Variants in HECW2 observed in about 807,000 individuals in gnomAD.
The protein encoded by HECW2 is HECT, C2 and WW domain containing E3 ubiquitin protein ligase 2, also known as E3 ubiquitin-protein ligase HECW2.
Under a neutral mutation model 175.2 loss-of-function variants are expected in HECW2, and 61 were observed. The ratio of observed to expected loss-of-function variants is 0.35; its 90% CI spans 0.28 to 0.43. The LOEUF (loss-of-function observed/expected upper bound fraction) is 0.43. Among genes scored for constraint, HECW2 ranks in the 20% least tolerant of loss-of-function variants. The pLI is 1.00. For synonymous variants in HECW2, 671 were observed against 731.0 expected (o/e 0.92, Z 1.32); for missense variants, 1,524 against 2,000.5 (o/e 0.76, Z 4.54).
intron 14 of HECW2, among the ~76,000 whole-genome samples, chr2:196,280,909 T>TA (rs1222604157): frequency 4.6e-5 from 7 of 152,106 alleles, no homozygotes; most frequent in Non-Finnish European, 7.4e-5. Context: ...AAATGGAGAG[T>TA]AACAAGCTTT....
chr2:196,380,919 T>C lies in HECW2; in HGVS notation c.293-37155A>G, dbSNP rs1255303173. ...CATGTACTTGAAAGCTTTTGGCTGA[T>C]TTCCAGAGTTCTAAAAAAGTTGACT... On this transcript the variant is annotated intron_variant, in intron 2 of 28. Coordinates refer to ENST00000644978, the MANE Select transcript of HECW2 (RefSeq NM_001348768.2). 2.0e-5 allele frequency among the ~76,000 whole-genome samples: 3 copies of C among 152,212 alleles called. No homozygotes were observed. In the East Asian group the frequency reaches 5.8e-4, roughly 29 times the overall value.
chr2:196,273,640 C>T (rs74749311), intron 16 of HECW2, among the ~76,000 whole-genome samples: 259 of 152,274 alleles, frequency 1.7e-3, no homozygotes, highest in African/African-American at 6.0e-3. Context: ...GCTACAGATT[C>T]ACACACCATT....
chr2:196,501,835 T>C (rs1687588624), intron 1 of HECW2, among the ~76,000 whole-genome samples: 1 of 152,250 alleles, frequency 6.6e-6, no homozygotes, highest in Middle Eastern at 3.2e-3. Context: ...GAGCATTCAA[T>C]AATGTTTAGT....
chr2:196,238,830 T>G (rs1162167987), intron 21 of HECW2: 1 of 152,236 alleles, frequency 6.6e-6, no homozygotes, highest in Non-Finnish European at 1.5e-5. Flanking sequence ...CTAATGTCAT[T>G]AATCCACACC....
intron 16 of HECW2, 76 bp from the exon 17 acceptor site, chr2:196,271,365 G>A (rs1689731087): frequency 7.6e-6 from 8 of 1,058,490 alleles, no homozygotes; most frequent in Non-Finnish European, 1.1e-5. Context: ...ATCCAAACCT[G>A]TGTGCCCCAC....
intron 1 of HECW2, among the ~76,000 whole-genome samples, chr2:196,555,273 G>T (rs996782244): frequency 6.6e-6 from 1 of 152,126 alleles, no homozygotes; most frequent in Non-Finnish European, 1.5e-5. Flanking sequence ...AGGCAGATTT[G>T]GTGTCTGGTG....
intron 1 of HECW2, among the ~76,000 whole-genome samples, chr2:196,539,491 C>T (rs760152859): frequency 5.3e-5 from 8 of 151,886 alleles, no homozygotes; most frequent in African/African-American, 1.2e-4. Flanking sequence ...AAAAATTGGC[C>T]GGCTGTGGTG....
At chr2:196,440,681 AAGAAAG>A (rs1421863142) in intron 1 of HECW2, among the ~76,000 whole-genome samples, 1 of 152,214 alleles carries the variant, frequency 6.6e-6, no homozygotes, top group Non-Finnish European at 1.5e-5. Flanking sequence ...CTTCTGCAAT[AAGAAAG>A]ACACATTTTC....
At chr2:196,309,545 CTTTGA>C (rs1231275992) in intron 10 of HECW2, among the ~76,000 whole-genome samples, 6 of 152,166 alleles carry the variant, frequency 3.9e-5, no homozygotes, top group Non-Finnish European at 8.8e-5. Flanking sequence ...TTTCAAAACA[CTTTGA>C]TTTATTTCAC....
At chr2:196,574,632 T>G (rs1690498978) in intron 1 of HECW2, among the ~76,000 whole-genome samples, 1 of 152,118 alleles carries the variant, frequency 6.6e-6, no homozygotes, top group South Asian at 2.1e-4. Context: ...TTCAATGAAA[T>G]TCCTATCAAA....
chr2:196,590,090 C>G (rs1301104581), intron 1 of HECW2, among the ~76,000 whole-genome samples: 1 of 152,072 alleles, frequency 6.6e-6, no homozygotes, highest in Non-Finnish European at 1.5e-5. Flanking sequence ...GACTCAAAAT[C>G]TGGTGTCGGA....
At chr2:196,381,844 G>A (rs751850316) in intron 2 of HECW2, among the ~76,000 whole-genome samples, 3 of 152,050 alleles carry the variant, frequency 2.0e-5, no homozygotes, top group South Asian at 2.1e-4. Context: ...AAAATTAAAC[G>A]TAATATTAAG....
chr2:196,230,570 C>T (rs1174550511), intron 21 of HECW2, among the ~76,000 whole-genome samples: 1 of 152,102 alleles, frequency 6.6e-6, no homozygotes, highest in Admixed American at 6.5e-5. Context: ...CCTTCTCTAC[C>T]CTGGTGGCAT....
chr2:196,545,564 G>C (rs770992855), intron 1 of HECW2, among the ~76,000 whole-genome samples: 18 of 152,190 alleles, frequency 1.2e-4, no homozygotes, highest in Non-Finnish European at 2.2e-4. Context: ...TTAGTTGAAA[G>C]CATTTACACA....
At chr2:196,347,355 T>C (rs1010626565) in intron 2 of HECW2, among the ~76,000 whole-genome samples, 1 of 152,014 alleles carries the variant, frequency 6.6e-6, no homozygotes, top group Non-Finnish European at 1.5e-5. Flanking sequence ...CCACCACGCC[T>C]GGCTAATTTT....
At chr2:196,261,297 T>G (rs985687102) in intron 17 of HECW2, among the ~76,000 whole-genome samples, 2 of 152,220 alleles carry the variant, frequency 1.3e-5, no homozygotes, top group African/African-American at 2.4e-5. Flanking sequence ...GCATTCATGC[T>G]AAATAATGCA....
intron 1 of HECW2, among the ~76,000 whole-genome samples, chr2:196,464,665 A>C (rs1696877566): frequency 6.6e-6 from 1 of 152,346 alleles, no homozygotes; most frequent in Non-Finnish European, 1.5e-5. Flanking sequence ...GTGTAATGAT[A>C]GTATTTTTAA....
intron 21 of HECW2, among the ~76,000 whole-genome samples, chr2:196,233,718 G>A (rs1688138717): frequency 6.6e-6 from 1 of 152,126 alleles, no homozygotes; most frequent in African/African-American, 2.4e-5. Context: ...GAAAGGTTTG[G>A]GTAATTTAGG....
chr2:196,588,424 G>A (rs951845594), intron 1 of HECW2, among the ~76,000 whole-genome samples: 4 of 152,210 alleles, frequency 2.6e-5, no homozygotes, highest in African/African-American at 4.8e-5. Flanking sequence ...GCCATCAGAG[G>A]TTTTTAAGCA....
Sources: gnomAD v4.1 joint callset for allele counts (sites outside exome capture counted in the v4.1 genomes callset) on GRCh38, gnomAD v4.1.1 for gene constraint, MANE v1.5 for transcripts, NCBI Gene and HGNC (gene_info 2026-07-23, HGNC 2026-07-21) for gene names.